Variants in AACS observed in about 807,000 individuals in gnomAD.
The protein encoded by AACS is acetoacetyl-CoA synthetase.
A neutral mutation model predicts 83.1 loss-of-function variants in AACS; 69 were observed. The observed-to-expected ratio is 0.83, with a 90% CI of 0.68 to 1.01. AACS has a LOEUF of 1.01. AACS is among the 50% of genes least tolerant of loss of function. The pLI is 0.00. For missense variants in AACS, 866 were observed against 882.2 expected, an observed-to-expected ratio of 0.98 and a Z score of 0.23; for synonymous variants, 333 against 343.4, an observed-to-expected ratio of 0.97 and a Z score of 0.33.
At position 125,136,825 on chromosome 12, in the gene AACS, A is replaced by T. The variant is rs1957407679; in HGVS notation, c.1842A>T (p.Arg614=). 1.9e-6 allele frequency: 3 copies of T among 1,613,664 alleles called. No homozygotes were observed. ...RDAIRMGLSA[R]HVPSLILETK... is the part of the protein sequence containing the mutation. ...CCATCCGCATGGGCTTGTCTGCGCG[A>T]CACGTGCCCAGCCTCATCCTGGAAA... Residue 614 remains arginine, a synonymous_variant, in exon 17 of 18, where the codon CGA becomes CGT. Coordinates refer to ENST00000316519, the MANE Select transcript of AACS (RefSeq NM_023928.5).
At chr12:125,132,989 G>T (rs1242575392) in intron 14 of AACS, among the ~76,000 whole-genome samples, 1 of 152,238 alleles carries the variant, frequency 6.6e-6, no homozygotes, top group Non-Finnish European at 1.5e-5. Flanking sequence ...CGTCAGTGAA[G>T]ACACAGAAGC....
rs377079548 is a variant in AACS at position 125,130,243 on chromosome 12, C to T, written c.1549+783C>T. On this transcript the variant is annotated intron_variant, in intron 14 of 17. Coordinates refer to ENST00000316519, the MANE Select transcript of AACS (RefSeq NM_023928.5). This position sits in a 1 kb window ranked among gnomAD's most constrained non-coding sequence, Gnocchi z 4.9. ...TTTGCCAGGTATCCTTCCTGCCTTGCGTGTTTGCGTTTCACCGTTAAAGCC... is the reference window on the plus strand; with the variant it reads ...TTTGCCAGGTATCCTTCCTGCCTTGTGTGTTTGCGTTTCACCGTTAAAGCC... Among the ~76,000 whole-genome samples, 2 of 152,226 alleles carry T rather than the reference C, an allele frequency of 1.3e-5. No homozygotes were observed. Among genetic ancestry groups the T allele is most frequent in the Non-Finnish European group, 2.9e-5 (2 of 68,034 alleles).
Position 125,091,388 on chromosome 12 carries a change from C to A in AACS, c.473-38C>A, listed in dbSNP as rs373001665. 41 of 1,606,176 alleles carry A rather than the reference C, an allele frequency of 2.6e-5. No individual in the cohort carries two copies. In the Middle Eastern group the frequency reaches 8.2e-4, roughly 32 times the overall value. ...TTGGACATCTGCTACCTCCCATACA[C>A]CCTGAACCCAAGGCTTCTTCCTATG... On this transcript the variant is annotated intron_variant, in intron 4 of 17. Coordinates refer to ENST00000316519, the MANE Select transcript of AACS (RefSeq NM_023928.5).
Position 125,131,406 on chromosome 12 carries a change from C to T in AACS, c.1549+1946C>T, listed in dbSNP as rs1248881309. Among the ~76,000 whole-genome samples the T allele has an allele frequency of 3.9e-5, 6 of 151,982 alleles. No homozygotes were observed. In the East Asian group the frequency reaches 1.2e-3, roughly 29 times the overall value. On this transcript the variant is annotated intron_variant, in intron 14 of 17. Coordinates refer to ENST00000316519, the MANE Select transcript of AACS (RefSeq NM_023928.5). Reference sequence around the variant, plus strand: ...TTTGTATTTTTTGTAGAGATGAGGTCCCTCTATGTTGACCAGGCTGGTCTC... The same window carrying T: ...TTTGTATTTTTTGTAGAGATGAGGTTCCTCTATGTTGACCAGGCTGGTCTC...
chr12:125,107,641 C>T lies in AACS; in HGVS notation c.915+373C>T, dbSNP rs576498263. 3.3e-5 allele frequency among the ~76,000 whole-genome samples: 5 copies of T among 152,290 alleles called. No homozygotes were observed. In the East Asian group the frequency reaches 7.7e-4, roughly 24 times the overall value. ...GGCCCTGCCAGTATTTTAAAAAGAA[C>T]GAATCAGAATAGACAAGAATAGATA... On this transcript the variant is annotated intron_variant, in intron 8 of 17. Transcript: ENST00000316519.
At chr12:125,086,095 A>G (rs2136066078) in intron 3 of AACS, among the ~76,000 whole-genome samples, 1 of 152,294 alleles carries the variant, frequency 6.6e-6, no homozygotes, top group Middle Eastern at 3.4e-3. Context: ...CGGGCCTAAT[A>G]GAGAATCTTT....
intron 9 of AACS, chr12:125,117,704 G>C (rs1353496633): frequency 2.0e-5 from 3 of 152,234 alleles, no homozygotes. Context: ...GCAGCTCAAT[G>C]GCTAGGTGTG....
chr12:125,098,014 C>T (rs1956647970), intron 5 of AACS, among the ~76,000 whole-genome samples: 1 of 152,230 alleles, frequency 6.6e-6, no homozygotes, highest in Non-Finnish European at 1.5e-5. Context: ...CTCTACTGTA[C>T]ACCTTTTTAT....
At chr12:125,070,252 GTGTC>G (rs1192897891) in intron 1 of AACS, among the ~76,000 whole-genome samples, 1 of 152,200 alleles carries the variant, frequency 6.6e-6, no homozygotes, top group African/African-American at 2.4e-5. Flanking sequence ...AATAAACCCT[GTGTC>G]TGGCTCACTG....
chr12:125,081,538 C>G (rs113201898), intron 3 of AACS, among the ~76,000 whole-genome samples: 7 of 152,290 alleles, frequency 4.6e-5, no homozygotes, highest in Admixed American at 3.9e-4. Context: ...CTCACTCAGG[C>G]GTTCTCAGCA....
intron 17 of AACS, 86 bp downstream of exon 17, chr12:125,136,950 G>A: frequency 2.8e-6 from 4 of 1,405,832 alleles, no homozygotes; most frequent in Non-Finnish European, 3.9e-6. Flanking sequence ...TGAGCAGCTT[G>A]CCGGTGCTTT....
rs1044822800 is a variant in AACS at position 125,097,874 on chromosome 12, C to A, written c.571-4805C>A. 6.6e-6 allele frequency among the ~76,000 whole-genome samples: 1 copy of A among 152,132 alleles called. No individual in the cohort carries two copies. The highest frequency in any genetic ancestry group is 1.9e-4 in the East Asian group (1 of 5,194). ...CTTCCCTACCGTTGGCTGTTCTTGC[C>A]GCCTCTCCACTGTCCTCCTTCATAC... On this transcript the variant is annotated intron_variant, in intron 5 of 17. Transcript: ENST00000316519. This position sits in a 1 kb window ranked among gnomAD's most constrained non-coding sequence, Gnocchi z 4.3.
chr12:125,081,388 A>T (rs1956179875), intron 3 of AACS, among the ~76,000 whole-genome samples: 1 of 152,196 alleles, frequency 6.6e-6, no homozygotes, highest in Non-Finnish European at 1.5e-5. Flanking sequence ...TACAAATCGC[A>T]TCCCTTACTT....
intron 5 of AACS, among the ~76,000 whole-genome samples, chr12:125,096,026 G>A (rs1412052454): frequency 2.0e-5 from 3 of 152,164 alleles, no homozygotes; most frequent in South Asian, 2.1e-4. Context: ...GTGCAGTGGC[G>A]CGATCTCGGC....
chr12:125,107,316 T>C (rs777188135), intron 8 of AACS, 48 bp downstream of exon 8: 6 of 1,599,296 alleles, frequency 3.8e-6, no homozygotes, highest in Non-Finnish European at 5.1e-6. Flanking sequence ...GTCTGTTTGC[T>C]TCAACAGGGC....
intron 3 of AACS, among the ~76,000 whole-genome samples, chr12:125,078,574 A>T (rs1052621507): frequency 2.0e-5 from 3 of 152,148 alleles, no homozygotes; most frequent in African/African-American, 7.2e-5. Context: ...TAATCCCAGC[A>T]CTTTGGGAGG....
chr12:125,081,063 G>A (rs1956169691), intron 3 of AACS, among the ~76,000 whole-genome samples: 1 of 152,078 alleles, frequency 6.6e-6, no homozygotes, highest in African/African-American at 2.4e-5. Context: ...CGTGATCACA[G>A]TTCACTGCAA....
intron 1 of AACS, 67 bp from the exon 2 acceptor site, chr12:125,073,809 T>C: frequency 7.7e-7 from 1 of 1,295,156 alleles, no homozygotes; most frequent in Non-Finnish European, 1.1e-6. Context: ...TTCTGAGGTG[T>C]GTCCATCTTA....
intron 2 of AACS, among the ~76,000 whole-genome samples, chr12:125,075,331 G>A (rs533048163): frequency 2.0e-5 from 3 of 149,638 alleles, no homozygotes; most frequent in African/African-American, 4.9e-5. Flanking sequence ...ACCGAGTCTC[G>A]CTTTTGTCAC....
Sources: allele counts gnomAD v4.1 joint callset (sites outside exome capture counted in the v4.1 genomes callset), GRCh38; gene constraint gnomAD v4.1.1; non-coding constraint Gnocchi (gnomAD v3.1); transcripts MANE v1.5; gene names NCBI Gene and HGNC (gene_info 2026-07-23, HGNC 2026-07-21).